The following ARFGEF3 variants were observed in gnomAD, a reference collection of about 807,000 sequenced individuals.
The protein encoded by ARFGEF3 is ARFGEF family member 3.
A neutral mutation model predicts 221.7 loss-of-function variants in ARFGEF3; 96 were observed. The ratio of observed to expected loss-of-function variants is 0.43; its 90% CI spans 0.37 to 0.51. The LOEUF is 0.51. Ranked by LOEUF, ARFGEF3 falls within the 20% of genes least tolerant of loss-of-function variation. ARFGEF3 has a pLI of 0.00. For missense variants in ARFGEF3, 2,410 were observed against 2,789.9 expected (o/e 0.86, Z 3.07); for synonymous variants, 1,145 against 1,126.8 (o/e 1.02, Z -0.32).
rs377229633 is a variant in ARFGEF3, at chr6:138,203,044, G to A, written c.138-3998G>A. ...TGTTGAGCAGAGCTCTTTACCCTAA[G>A]GATAGGGACTCCTAACTTGGGATCC... On this transcript the variant is annotated intron_variant, in intron 2 of 33. Transcript: ENST00000251691. 2.4e-4 allele frequency among the ~76,000 whole-genome samples: 37 copies of A among 152,186 alleles called. No homozygotes were observed. In the East Asian group the frequency reaches 6.4e-3, roughly 26 times the overall value.
Position 138,265,124 on chromosome 6 carries a change from C to G in ARFGEF3, c.2128+1513C>G, listed in dbSNP as rs919118555. Among the ~76,000 whole-genome samples, 7 of 152,012 alleles carry G rather than the reference C, an allele frequency of 4.6e-5. No individual in the cohort carries two copies. In the East Asian group the frequency reaches 5.8e-4, roughly 13 times the overall value. On this transcript the variant is annotated intron_variant, in intron 12 of 33. Transcript: ENST00000251691. ...TTCGCTGTGTTAGCCAGGATGGTCT[C>G]GATCTCCTGACCTTGTGATCCGCCC...
At chr6:138,326,795 A>G (rs1263455113) in intron 31 of ARFGEF3, among the ~76,000 whole-genome samples, 1 of 152,246 alleles carries the variant, frequency 6.6e-6, no homozygotes, top group Non-Finnish European at 1.5e-5. Flanking sequence ...ATTCTCTTAT[A>G]AAGATACATG....
At position 138,209,979 on chromosome 6, in the gene ARFGEF3, A is replaced by C. The variant is rs1222733091; in HGVS notation, c.289A>C (p.Ile97Leu). ...TGATGAGAAGCAGCTGCTCAATCAG[A>C]TACTGAATGCCGTGAAAGTGACGCC... Reference protein sequence around the residue: ...DSDEKQLLNQILNAVKVTPSL... With the variant: ...DSDEKQLLNQLLNAVKVTPSL... Residue 97 changes from isoleucine to leucine, a missense_variant, in exon 4 of 34, where the codon ATA becomes CTA. Physicochemically the swap from Ile to Leu is conservative, Grantham distance 5. Coordinates refer to ENST00000251691, the MANE Select transcript of ARFGEF3 (RefSeq NM_020340.5). 1 of 1,613,780 alleles carries C rather than the reference A, an allele frequency of 6.2e-7. No homozygotes were observed. Among genetic ancestry groups the C allele is most frequent in the East Asian group, 2.2e-5 (1 of 44,892 alleles).
chr6:138,315,855 A>AG (rs1562389912), intron 26 of ARFGEF3, among the ~76,000 whole-genome samples: 1 of 152,056 alleles, frequency 6.6e-6, no homozygotes, highest in Non-Finnish European at 1.5e-5. Flanking sequence ...ATCTCAAAAA[A>AG]AAAAAAATTC....
intron 12 of ARFGEF3, among the ~76,000 whole-genome samples, chr6:138,270,427 G>GAC (rs3044804): frequency 0.018 from 2,515 of 139,460 alleles, 59 homozygotes; most frequent in African/African-American, 0.058. Context: ...ATTTTACGTA[G>GAC]ACACACACAC....
rs914572884 is a variant in ARFGEF3, at chr6:138,179,293, C to T, written c.137+8580C>T. On this transcript the variant is annotated intron_variant, in intron 2 of 33. Transcript: ENST00000251691. ...TATTTTGTCAAAAGGCAGCCATTGG[C>T]AGCAAACCTCTTGTTGGCATTACTC... Among the ~76,000 whole-genome samples the T allele has an allele frequency of 1.3e-4, 20 of 152,322 alleles. 1 individual carries two copies. The Middle Eastern group carries it at 0.014, about 104-fold the overall frequency.
At chr6:138,180,974 T>A (rs963526489) in intron 2 of ARFGEF3, among the ~76,000 whole-genome samples, 1 of 152,224 alleles carries the variant, frequency 6.6e-6, no homozygotes, top group Non-Finnish European at 1.5e-5. Context: ...AAGAATATTC[T>A]TGTCTCCTTT....
intron 22 of ARFGEF3, among the ~76,000 whole-genome samples, chr6:138,303,826 C>T (rs976610538): frequency 2.2e-5 from 3 of 139,000 alleles, no homozygotes; most frequent in Non-Finnish European, 3.0e-5. Flanking sequence ...CGTGCCATTG[C>T]GCCCCAGCCT....
chr6:138,286,221 C>T (rs761611337), intron 15 of ARFGEF3, among the ~76,000 whole-genome samples, 168 bp downstream of exon 15: 29 of 152,074 alleles, frequency 1.9e-4, no homozygotes, highest in South Asian at 4.1e-4. Context: ...GAGGCCGAGG[C>T]GGGCAGATCA....
At chr6:138,309,781 G>C (rs1381985087) in intron 24 of ARFGEF3, among the ~76,000 whole-genome samples, 1 of 152,186 alleles carries the variant, frequency 6.6e-6, no homozygotes, top group Non-Finnish European at 1.5e-5. Context: ...ACAAGAGAAG[G>C]ATATCCCAGC....
At chr6:138,243,702 T>G (rs1778432506) in intron 7 of ARFGEF3, among the ~76,000 whole-genome samples, 1 of 145,992 alleles carries the variant, frequency 6.8e-6, no homozygotes, top group Non-Finnish European at 1.5e-5. Context: ...GAGAAGGAGA[T>G]GGAGGTGAGG....
intron 2 of ARFGEF3, among the ~76,000 whole-genome samples, chr6:138,171,479 T>A (rs1776829876): frequency 6.6e-6 from 1 of 152,228 alleles, no homozygotes; most frequent in Admixed American, 6.5e-5. Flanking sequence ...TCTGACTGGT[T>A]GTGAAGTCCA....
chr6:138,242,173 A>T (rs973801554), intron 6 of ARFGEF3, among the ~76,000 whole-genome samples: 5 of 152,230 alleles, frequency 3.3e-5, no homozygotes, highest in Non-Finnish European at 7.3e-5. Context: ...GGGATGAGTT[A>T]CGTGTCCGGT....
chr6:138,170,201 TCTA>T (rs1214216160), intron 1 of ARFGEF3, among the ~76,000 whole-genome samples: 1 of 152,212 alleles, frequency 6.6e-6, no homozygotes, highest in African/African-American at 2.4e-5. Flanking sequence ...AAAAGTTTAA[TCTA>T]CTGTGTCACA....
chr6:138,196,243 G>T (rs1777416590), intron 2 of ARFGEF3, among the ~76,000 whole-genome samples: 1 of 152,142 alleles, frequency 6.6e-6, no homozygotes, highest in South Asian at 2.1e-4. Flanking sequence ...TAATGATGGG[G>T]ATAGGTCCTA....
At chr6:138,171,756 G>T (rs1198620042) in intron 2 of ARFGEF3, among the ~76,000 whole-genome samples, 1 of 151,528 alleles carries the variant, frequency 6.6e-6, no homozygotes, top group Non-Finnish European at 1.5e-5. Context: ...CGACTTTGTT[G>T]CCTGCTTGAT....
rs203145 is a variant in ARFGEF3 at position 138,294,011 on chromosome 6, G to A, written c.3387G>A (p.Thr1129=). 179,363 of 1,613,396 alleles carry A rather than the reference G, an allele frequency of 0.11. 10,736 individuals are homozygous for A. The highest frequency in any genetic ancestry group is 0.16 in the Middle Eastern group (961 of 6,060). ...CATCCAGGCTCTTTGAAGATGCTACGGATAAGTTGAACCTCATGGCCTTGG... is the reference window on the plus strand; with the variant it reads ...CATCCAGGCTCTTTGAAGATGCTACAGATAAGTTGAACCTCATGGCCTTGG... ...TQADRLFEDA[T]DKLNLMALGG... is the part of the protein sequence containing the mutation. Residue 1129 remains threonine (T), a synonymous_variant, in exon 20 of 34, where the codon ACG becomes ACA. Coordinates refer to ENST00000251691, the MANE Select transcript of ARFGEF3 (RefSeq NM_020340.5).
intron 4 of ARFGEF3, chr6:138,218,238 A>G (rs1777911572): frequency 6.2e-7 from 1 of 1,613,254 alleles, no homozygotes; most frequent in South Asian, 1.1e-5. Context: ...TTTTTTTCGA[A>G]ATACCTTGTA....
chr6:138,319,598 CTCA>C, intron 27 of ARFGEF3, 102 bp from the exon 28 acceptor site: 1 of 775,418 alleles, frequency 1.3e-6, no homozygotes, highest in Non-Finnish European at 2.0e-6. Flanking sequence ...CCTGCACTTT[CTCA>C]GCAAATGTAG....
Sources: gnomAD v4.1 joint callset for allele counts (sites outside exome capture counted in the v4.1 genomes callset) on GRCh38, gnomAD v4.1.1 for gene constraint, MANE v1.5 for transcripts, NCBI Gene and HGNC (gene_info 2026-07-23, HGNC 2026-07-21) for gene names.